Variants in CNTNAP2 observed in about 807,000 individuals in gnomAD.
The protein encoded by CNTNAP2 is contactin-associated protein-like 2.
A neutral mutation model predicts 155.2 loss-of-function variants in CNTNAP2; 98 were observed. The observed-to-expected ratio is 0.63, with a 90% CI of 0.54 to 0.75. CNTNAP2 has a LOEUF of 0.75. Among genes scored for constraint, CNTNAP2 ranks in the 30% least tolerant of loss-of-function variants. CNTNAP2 has a pLI of 0.00. For synonymous variants in CNTNAP2, 651 were observed against 631.2 expected, an observed-to-expected ratio of 1.03 and a Z score of -0.47; for missense variants, 1,727 against 1,688.1, an observed-to-expected ratio of 1.02 and a Z score of -0.40.
At chr7:146,434,171 A>T (rs1631820) in intron 1 of CNTNAP2, among the ~76,000 whole-genome samples, 4,109 of 152,220 alleles carry the variant, frequency 0.027, 197 homozygotes, top group African/African-American at 0.094. Flanking sequence ...TTATGGCCAG[A>T]TACCATTCCA....
intron 1 of CNTNAP2, among the ~76,000 whole-genome samples, chr7:146,674,213 A>G (rs1800356898): frequency 6.6e-6 from 1 of 152,200 alleles, no homozygotes; most frequent in Admixed American, 6.5e-5. Context: ...GTGCTCTTTC[A>G]AGACCTCAGA....
chr7:146,598,892 A>T (rs1044879504), intron 1 of CNTNAP2, among the ~76,000 whole-genome samples: 1 of 152,098 alleles, frequency 6.6e-6, no homozygotes, highest in Non-Finnish European at 1.5e-5. Context: ...AGTGATGTAA[A>T]TTCTCAAATG....
chr7:146,334,373 G>GA, intron 1 of CNTNAP2, among the ~76,000 whole-genome samples: 1 of 150,860 alleles, frequency 6.6e-6, no homozygotes, highest in African/African-American at 2.4e-5. Flanking sequence ...GGAGGTTGCA[G>GA]TGAGCCAAGA....
At chr7:146,686,831 C>T (rs1043351352) in intron 1 of CNTNAP2, among the ~76,000 whole-genome samples, 2 of 152,090 alleles carry the variant, frequency 1.3e-5, no homozygotes, top group Non-Finnish European at 2.9e-5. Flanking sequence ...TAATTTTCAG[C>T]AAAGCTTTGG....
chr7:146,899,928 A>G, intron 3 of CNTNAP2, among the ~76,000 whole-genome samples: 1 of 152,222 alleles, frequency 6.6e-6, no homozygotes, highest in Non-Finnish European at 1.5e-5. Flanking sequence ...CCTTAAAGAT[A>G]GATGTCCCTA....
At chr7:147,451,865 C>T (rs550100668) in intron 10 of CNTNAP2, among the ~76,000 whole-genome samples, 1 of 152,124 alleles carries the variant, frequency 6.6e-6, no homozygotes, top group East Asian at 1.9e-4. Flanking sequence ...AGCTCCACCC[C>T]GCTGGGTAGG....
intron 21 of CNTNAP2, among the ~76,000 whole-genome samples, chr7:148,349,753 C>T (rs1378249834): frequency 6.6e-6 from 1 of 152,152 alleles, no homozygotes; most frequent in Non-Finnish European, 1.5e-5. Context: ...ACAAAGCCAT[C>T]CTGGACCGCA....
chr7:148,333,678 AG>A (rs1182401462), intron 21 of CNTNAP2, among the ~76,000 whole-genome samples: 1 of 152,218 alleles, frequency 6.6e-6, no homozygotes, highest in Non-Finnish European at 1.5e-5. Flanking sequence ...CTACTGGGAA[AG>A]GGATTCATGT....
At chr7:147,149,355 G>T (rs1801779309) in intron 8 of CNTNAP2, among the ~76,000 whole-genome samples, 1 of 152,158 alleles carries the variant, frequency 6.6e-6, no homozygotes. Context: ...ACAGAATGCT[G>T]ACTGGTGCAT....
At chr7:147,317,306 C>A (rs569012093) in intron 9 of CNTNAP2, among the ~76,000 whole-genome samples, 5 of 152,204 alleles carry the variant, frequency 3.3e-5, no homozygotes, top group Non-Finnish European at 5.9e-5. Context: ...CCCTTTCCAC[C>A]CTCACTGACT....
chr7:147,922,922 A>C (rs1800309949), intron 14 of CNTNAP2, among the ~76,000 whole-genome samples: 1 of 152,158 alleles, frequency 6.6e-6, no homozygotes, highest in African/African-American at 2.4e-5. Flanking sequence ...ACATTTTTTA[A>C]AAACACTCTT....
chr7:147,840,815 GA>G (rs148536622), intron 13 of CNTNAP2, among the ~76,000 whole-genome samples: 2,459 of 152,148 alleles, frequency 0.016, 63 homozygotes, highest in African/African-American at 0.055. Flanking sequence ...ATGGGATCTA[GA>G]TTCTTGGTTT....
intron 3 of CNTNAP2, among the ~76,000 whole-genome samples, chr7:146,844,241 A>G (rs1455046362): frequency 6.6e-6 from 1 of 152,146 alleles, no homozygotes; most frequent in Non-Finnish European, 1.5e-5. Context: ...AAAGATTCCT[A>G]AAGAATGGTT....
In CNTNAP2 at chr7:147,045,876, GCA is replaced by G. The variant is rs202151887; in HGVS notation, c.550+1823_550+1824del. On this transcript the variant is annotated intron_variant, in intron 4 of 23. Transcript: ENST00000361727. ...TACATACACACACACACATATACGT[GCA>G]TATATATATATATAATCCTTCATGG... Among the ~76,000 whole-genome samples the G allele has an allele frequency of 6.7e-3, 1,014 of 151,296 alleles. 14 individuals are homozygous for G. Among genetic ancestry groups the G allele is most frequent in the African/African-American group, 0.023 (928 of 41,218 alleles).
intron 20 of CNTNAP2, among the ~76,000 whole-genome samples, chr7:148,231,080 G>A (rs772609307): frequency 9.2e-5 from 14 of 152,080 alleles, no homozygotes; most frequent in Admixed American, 2.6e-4. Flanking sequence ...TTACCATTGC[G>A]AAATAATACT....
At chr7:147,200,063 C>T (rs1383616676) in intron 8 of CNTNAP2, among the ~76,000 whole-genome samples, 1 of 151,892 alleles carries the variant, frequency 6.6e-6, no homozygotes, top group African/African-American at 2.4e-5. Flanking sequence ...TTCCCCCTCC[C>T]CCTCCCCCTC....
intron 14 of CNTNAP2, among the ~76,000 whole-genome samples, chr7:147,948,428 G>A (rs1800857888): frequency 6.7e-6 from 1 of 148,356 alleles, no homozygotes; most frequent in Non-Finnish European, 1.5e-5. Flanking sequence ...ACCCCCATAA[G>A]TATATATACC....
intron 11 of CNTNAP2, among the ~76,000 whole-genome samples, chr7:147,539,972 A>T (rs1047269746): frequency 6.6e-6 from 1 of 152,136 alleles, no homozygotes; most frequent in South Asian, 2.1e-4. Flanking sequence ...ATAAAATTTG[A>T]TCCTCTCTAT....
At chr7:146,733,357 C>T (rs182132529) in intron 1 of CNTNAP2, among the ~76,000 whole-genome samples, 4 of 151,986 alleles carry the variant, frequency 2.6e-5, no homozygotes, top group Admixed American at 2.6e-4. Context: ...AAGCATTATT[C>T]TTTTCAGTTG....
Sources: allele counts gnomAD v4.1 joint callset (sites outside exome capture counted in the v4.1 genomes callset), GRCh38; gene constraint gnomAD v4.1.1; transcripts MANE v1.5; gene names NCBI Gene and HGNC (gene_info 2026-07-23, HGNC 2026-07-21).